Variants in AHI1 observed in about 807,000 individuals in gnomAD.
AHI1 encodes the protein jouberin.
In AHI1, 123 loss-of-function variants were observed where a neutral mutation model predicts 149.3. The observed-to-expected ratio is 0.82, with a 90% CI of 0.71 to 0.96. AHI1 has a LOEUF of 0.96. Among genes scored for constraint, AHI1 ranks in the 40% least tolerant of loss-of-function variants. AHI1 has a pLI of 0.00. For missense variants in AHI1, 1,439 were observed against 1,422.7 expected (o/e 1.01, Z -0.18); for synonymous variants, 475 against 459.8 (o/e 1.03, Z -0.42).
chr6:135,486,669 A>G (rs2128129587), intron 5 of AHI1, among the ~76,000 whole-genome samples: 1 of 152,312 alleles, frequency 6.6e-6, no homozygotes, highest in East Asian at 1.9e-4. Context: ...AAACATAGAC[A>G]ACTGTCTATA....
intron 23 of AHI1, among the ~76,000 whole-genome samples, chr6:135,391,493 G>A: frequency 6.6e-6 from 1 of 152,138 alleles, no homozygotes; most frequent in Non-Finnish European, 1.5e-5. Flanking sequence ...ATACAGTAAT[G>A]CTCCCAGCTC....
At chr6:135,452,434 G>A (rs994251537) in intron 11 of AHI1, among the ~76,000 whole-genome samples, 2 of 152,164 alleles carry the variant, frequency 1.3e-5, no homozygotes, top group Non-Finnish European at 2.9e-5. Context: ...CCTAGTCAAA[G>A]ACAAATGTAC....
chr6:135,465,259 A>C (rs1398336720), intron 7 of AHI1, among the ~76,000 whole-genome samples: 1 of 152,210 alleles, frequency 6.6e-6, no homozygotes, highest in Non-Finnish European at 1.5e-5. Flanking sequence ...AAACATATAA[A>C]TATGTGTATG....
intron 25 of AHI1, among the ~76,000 whole-genome samples, chr6:135,319,680 G>A (rs1786513145): frequency 6.6e-6 from 1 of 152,086 alleles, no homozygotes; most frequent in Non-Finnish European, 1.5e-5. Context: ...AATATATTTT[G>A]GTTAAGAACA....
intron 20 of AHI1, among the ~76,000 whole-genome samples, chr6:135,420,327 C>T (rs985951754): frequency 2.6e-5 from 4 of 152,132 alleles, no homozygotes; most frequent in South Asian, 2.1e-4. Flanking sequence ...TATGGACTTA[C>T]GAAATGTATT....
At chr6:135,402,639 G>GA (rs1780180859) in intron 22 of AHI1, among the ~76,000 whole-genome samples, 1 of 151,928 alleles carries the variant, frequency 6.6e-6, no homozygotes, top group Admixed American at 6.6e-5. Context: ...TGCCCCCAGT[G>GA]AAATAGCAAG....
intron 26 of AHI1, among the ~76,000 whole-genome samples, chr6:135,317,530 A>G (rs1786149260): frequency 6.6e-6 from 1 of 150,674 alleles, no homozygotes; most frequent in South Asian, 2.1e-4. Flanking sequence ...GGTATATTTA[A>G]GAGGCTTTCT....
intron 23 of AHI1, among the ~76,000 whole-genome samples, chr6:135,373,834 A>C (rs947160895): frequency 8.5e-5 from 13 of 152,240 alleles, no homozygotes; most frequent in African/African-American, 3.1e-4. Context: ...TGCTAAGCAC[A>C]AGGCACTGTT....
At chr6:135,355,416 C>G (rs1048919305) in intron 24 of AHI1, among the ~76,000 whole-genome samples, 8 of 150,706 alleles carry the variant, frequency 5.3e-5, no homozygotes, top group Non-Finnish European at 8.9e-5. Flanking sequence ...AAAAAGGAAA[C>G]AAGTGAATTA....
chr6:135,435,625 G>C (rs753055159), intron 15 of AHI1, among the ~76,000 whole-genome samples: 14 of 152,190 alleles, frequency 9.2e-5, no homozygotes, highest in Non-Finnish European at 1.8e-4. Flanking sequence ...ATGCCTGTTA[G>C]GCCATGCTAA....
chr6:135,318,474 G>T, intron 26 of AHI1, 45 bp downstream of exon 26: 1 of 1,205,848 alleles, frequency 8.3e-7, no homozygotes, highest in Non-Finnish European at 1.2e-6. Flanking sequence ...CAGAGAGAGT[G>T]AAAATCAAAG....
intron 9 of AHI1, among the ~76,000 whole-genome samples, 181 bp from the exon 10 acceptor site, chr6:135,456,107 T>A (rs1788897799): frequency 6.6e-6 from 1 of 152,200 alleles, no homozygotes; most frequent in Admixed American, 6.5e-5. Context: ...AAAGTAACAG[T>A]CCATCTTATA....
chr6:135,345,831 G>A (rs1791109469), intron 24 of AHI1, among the ~76,000 whole-genome samples: 1 of 152,154 alleles, frequency 6.6e-6, no homozygotes, highest in African/African-American at 2.4e-5. Flanking sequence ...AAATAAAGCT[G>A]TTATAAAAAA....
chr6:135,411,414 T>C lies in AHI1; in HGVS notation c.2895A>G (p.Glu965=), dbSNP rs369644569. The C allele has an allele frequency of 2.5e-6, 4 of 1,613,692 alleles. No individual in the cohort carries two copies. The highest frequency in any genetic ancestry group is 1.7e-5 in the Admixed American group (1 of 59,990). The part of the protein sequence containing the change: ...LPHQGSFQID[E]FVHTESSSTK... ...TTGAAGAACTTTCAGTGTGGACAAA[T>C]TCATCAATCTGAAAAGAGCCTTGAT... The change falls in exon 21 of 29, where the codon GAA becomes GAG. Residue 965 remains glutamate, a synonymous_variant. Coordinates refer to ENST00000265602, the MANE Select transcript of AHI1 (RefSeq NM_001134831.2).
Position 135,398,058 on chromosome 6 carries a change from G to GTT in AHI1, c.2989-3164_2989-3163dup, listed in dbSNP as rs68148024. Among the ~76,000 whole-genome samples, 382 of 88,388 alleles carry GTT rather than the reference G, an allele frequency of 4.3e-3. 10 individuals are homozygous for GTT. Among genetic ancestry groups the GTT allele is most frequent in the African/African-American group, 0.015 (353 of 23,108 alleles). The allele number at this position is 88,388 out of a possible 152,430, so 58.0% of individuals were successfully genotyped here. ...AAAAGAAACCAATAATACCCAGGAT[G>GTT]TTTTTTTTTTTTTTTTTTTTTTGCA... On this transcript the variant is annotated intron_variant, in intron 22 of 28. Transcript: ENST00000265602.
At position 135,355,902 on chromosome 6, in the gene AHI1, A is replaced by C. The variant is rs368712628; in HGVS notation, c.3165+2230T>G. 2.2e-3 allele frequency among the ~76,000 whole-genome samples: 340 copies of C among 151,432 alleles called. 2 individuals carry two copies. The highest frequency in any genetic ancestry group is 8.7e-3 in the South Asian group (42 of 4,806). ...CAACAGAGCGAGACTCTGTCTCAAAAAAACAAACAAACAAACAAACAAACA... is the reference window on the plus strand; with the variant it reads ...CAACAGAGCGAGACTCTGTCTCAAACAAACAAACAAACAAACAAACAAACA... On this transcript the variant is annotated intron_variant, in intron 24 of 28. Coordinates refer to ENST00000265602, the MANE Select transcript of AHI1 (RefSeq NM_001134831.2).
intron 28 of AHI1, among the ~76,000 whole-genome samples, chr6:135,287,093 T>A (rs900815930): frequency 3.9e-5 from 6 of 151,962 alleles, no homozygotes; most frequent in Admixed American, 1.3e-4. Flanking sequence ...GAGTTCATGT[T>A]AGTGGGAGGA....
intron 10 of AHI1, 150 bp downstream of exon 10, chr6:135,455,583 GA>G: frequency 1.8e-6 from 1 of 553,466 alleles, no homozygotes; most frequent in Non-Finnish European, 3.0e-6. Flanking sequence ...CGTCTCACTT[GA>G]TTCCACAGCA....
chr6:135,317,077 T>C (rs1735060893), intron 26 of AHI1, among the ~76,000 whole-genome samples: 1 of 152,158 alleles, frequency 6.6e-6, no homozygotes, highest in Non-Finnish European at 1.5e-5. Flanking sequence ...AATTACAGCT[T>C]ATGTCCCCTG....
Sources: gnomAD v4.1 joint callset for allele counts (sites outside exome capture counted in the v4.1 genomes callset) on GRCh38, gnomAD v4.1.1 for gene constraint, MANE v1.5 for transcripts, NCBI Gene and HGNC (gene_info 2026-07-23, HGNC 2026-07-21) for gene names.